The following GDAP1 variants were observed in gnomAD, a reference collection of about 807,000 sequenced individuals.
GDAP1 encodes ganglioside-induced differentiation-associated protein 1.
A neutral mutation model predicts 40.1 loss-of-function variants in GDAP1; 34 were observed. The ratio of observed to expected loss-of-function variants is 0.85; its 90% CI spans 0.64 to 1.13. The LOEUF is 1.13. Among genes scored for constraint, GDAP1 ranks in the 50% most tolerant of loss-of-function variants. The pLI is 0.00. For synonymous variants in GDAP1, 170 were observed against 157.4 expected (o/e 1.08, Z -0.60); for missense variants, 374 against 433.7 (o/e 0.86, Z 1.22).
chr8:74,417,996 A>C (rs932966122), intron 2 of GDAP1, among the ~76,000 whole-genome samples: 3 of 152,178 alleles, frequency 2.0e-5, no homozygotes, highest in Non-Finnish European at 2.9e-5. Flanking sequence ...ACTGGGATCT[A>C]TATATTGAAA....
intron 2 of GDAP1, among the ~76,000 whole-genome samples, chr8:74,470,010 G>C (rs905457655): frequency 6.6e-6 from 1 of 151,966 alleles, no homozygotes; most frequent in Non-Finnish European, 1.5e-5. Flanking sequence ...TAGAAAAATA[G>C]TATTCTGAAA....
chr8:74,477,368 C>T (rs1806643193), intron 2 of GDAP1, among the ~76,000 whole-genome samples: 1 of 152,104 alleles, frequency 6.6e-6, no homozygotes, highest in Non-Finnish European at 1.5e-5. Flanking sequence ...AGAAGGCACT[C>T]TGGTTTTTTG....
In GDAP1 at chr8:74,364,159, A is replaced by C. The variant is rs1489210112; in HGVS notation, c.869A>C (p.Asn290Thr). 6.2e-7 allele frequency: 1 copy of C among 1,614,012 alleles called. No individual in the cohort carries two copies. The highest frequency in any genetic ancestry group is 8.5e-7 in the Non-Finnish European group (1 of 1,179,870). Residue 290 changes from asparagine (N) to threonine (T), a missense_variant, in exon 6 of 6, where the codon AAC becomes ACC. Asn to Thr is a moderately conservative substitution (Grantham distance 65). Transcript: ENST00000220822. Reference protein sequence around the residue: ...YERVLKRKTFNKVLGHVNNIL... With the variant: ...YERVLKRKTFTKVLGHVNNIL... ...CGTGTCTTGAAGAGAAAAACATTTA[A>C]CAAGGTTTTAGGACATGTCAACAAT...
chr8:74,366,519 A>C lies in GDAP1; in HGVS notation c.*2152A>C. The C allele has an allele frequency of 2.2e-6, 1 of 454,338 alleles. No individual in the cohort carries two copies. The highest frequency in any genetic ancestry group is 4.4e-6 in the Non-Finnish European group (1 of 226,736). The allele number at this position is 454,338 out of a possible 1,614,324, so 28.1% of individuals were successfully genotyped here. A position where few individuals can be genotyped will look rare whatever the true frequency, so the allele number is the denominator to read the frequency against. On this transcript the variant is annotated 3_prime_UTR_variant, in exon 6 of 6. Transcript: ENST00000220822. Reference sequence around the variant, plus strand: ...GCTAGAGTTAAACACAGTATTAGCTAAATAGGCACTTATGTGTATTTTCTT... The same window carrying C: ...GCTAGAGTTAAACACAGTATTAGCTCAATAGGCACTTATGTGTATTTTCTT...
At chr8:74,405,047 A>ATT (rs1805619440) in intron 2 of GDAP1, among the ~76,000 whole-genome samples, 1 of 150,092 alleles carries the variant, frequency 6.7e-6, no homozygotes, top group Admixed American at 6.6e-5. Flanking sequence ...TATACCTAAG[A>ATT]CTGGATAATT....
intron 2 of GDAP1, among the ~76,000 whole-genome samples, chr8:74,401,906 C>G (rs1038932154): frequency 6.7e-6 from 1 of 150,008 alleles, no homozygotes; most frequent in Non-Finnish European, 1.5e-5. Flanking sequence ...TCTGATCGTT[C>G]CTCTGTAAGT....
At chr8:74,418,272 C>T (rs540727051) in intron 2 of GDAP1, among the ~76,000 whole-genome samples, 1 of 152,270 alleles carries the variant, frequency 6.6e-6, no homozygotes, top group South Asian at 2.1e-4. Context: ...AATTATGCTA[C>T]CCAGTTTTAA....
chr8:74,386,765 C>A (rs1445923269), intron 2 of GDAP1, among the ~76,000 whole-genome samples: 1 of 152,090 alleles, frequency 6.6e-6, no homozygotes, highest in East Asian at 1.9e-4. Context: ...AATCTATAAA[C>A]TCCTTTGGGC....
intron 2 of GDAP1, among the ~76,000 whole-genome samples, chr8:74,384,789 C>G (rs1051053955): frequency 2.0e-5 from 3 of 152,182 alleles, no homozygotes; most frequent in African/African-American, 7.2e-5. Context: ...TGTGTAGCTG[C>G]ACCGACTTAC....
At chr8:74,481,323 G>A (rs1236826690) in intron 2 of GDAP1, among the ~76,000 whole-genome samples, 1 of 152,172 alleles carries the variant, frequency 6.6e-6, no homozygotes, top group Non-Finnish European at 1.5e-5. Context: ...CTACCTTCTA[G>A]GATGGCACTT....
intron 2 of GDAP1, among the ~76,000 whole-genome samples, chr8:74,401,984 G>A (rs954252159): frequency 6.7e-6 from 1 of 150,240 alleles, no homozygotes; most frequent in African/African-American, 2.5e-5. Flanking sequence ...TCCCAGTTAG[G>A]CTGCTCAGGG....
intron 2 of GDAP1, among the ~76,000 whole-genome samples, chr8:74,428,628 G>A (rs867225284): frequency 3.1e-3 from 208 of 66,686 alleles, no homozygotes; most frequent in Middle Eastern, 0.016. Context: ...CACCACACCC[G>A]GCTAATTTTT....
intron 1 of GDAP1, among the ~76,000 whole-genome samples, chr8:74,350,866 A>G (rs1808828612): frequency 1.3e-5 from 2 of 152,138 alleles, no homozygotes; most frequent in South Asian, 4.1e-4. Flanking sequence ...TGGTCTTCGG[A>G]GAGAGGCAGA....
At chr8:74,350,796 T>C (rs1365076847) in intron 1 of GDAP1, among the ~76,000 whole-genome samples, 1 of 152,248 alleles carries the variant, frequency 6.6e-6, no homozygotes. Context: ...AGGCTCCGCC[T>C]CTCGCGAAAT....
intron 2 of GDAP1, among the ~76,000 whole-genome samples, chr8:74,351,887 T>C (rs1043550721): frequency 6.6e-6 from 1 of 152,332 alleles, no homozygotes; most frequent in East Asian, 1.9e-4. Context: ...AATAGAATGT[T>C]AGTATACCTG....
chr8:74,366,489 G>T lies in GDAP1; in HGVS notation c.*2122G>T. The T allele has an allele frequency of 2.2e-6, 1 of 454,446 alleles. No individual in the cohort carries two copies. Among genetic ancestry groups the T allele is most frequent in the Non-Finnish European group, 4.4e-6 (1 of 226,744 alleles). 28.2% of individuals were successfully genotyped at this position (454,446 alleles called of 1,614,324 possible). ...GAAAGGGATTACAGTATCACACAAT[G>T]TCAAGCTAGAGTTAAACACAGTATT... On this transcript the variant is annotated 3_prime_UTR_variant, in exon 6 of 6. Coordinates refer to ENST00000220822, the MANE Select transcript of GDAP1 (RefSeq NM_018972.4).
At chr8:74,475,474 T>C (rs1806617180) in intron 2 of GDAP1, among the ~76,000 whole-genome samples, 1 of 152,208 alleles carries the variant, frequency 6.6e-6, no homozygotes, top group Non-Finnish European at 1.5e-5. Flanking sequence ...GAGATTTTGG[T>C]ATATTGTATC....
At position 74,366,335 on chromosome 8, in the gene GDAP1, C is replaced by T. The variant is rs567166158; in HGVS notation, c.*1968C>T. 1.4e-4 allele frequency: 64 copies of T among 454,398 alleles called. No individual in the cohort carries two copies. Among genetic ancestry groups the T allele is most frequent in the South Asian group, 9.5e-4 (61 of 64,466 alleles). 28.1% of individuals were successfully genotyped at this position (454,398 alleles called of 1,614,324 possible). A position where few individuals can be genotyped will look rare whatever the true frequency, so the allele number is the denominator to read the frequency against. ...AAGATTGAGTGTTCTTTTTGTTCAG[C>T]AACTCTTCTAAAATGTTTCAAGCAA... On this transcript the variant is annotated 3_prime_UTR_variant, in exon 6 of 6. Coordinates refer to ENST00000220822, the MANE Select transcript of GDAP1 (RefSeq NM_018972.4).
At chr8:74,414,531 T>C (rs1230356095) in intron 2 of GDAP1, among the ~76,000 whole-genome samples, 1 of 149,872 alleles carries the variant, frequency 6.7e-6, no homozygotes, top group African/African-American at 2.5e-5. Context: ...GGTCATTGGC[T>C]GAGCTCCATA....
Sources: gnomAD v4.1 joint callset for allele counts (sites outside exome capture counted in the v4.1 genomes callset) on GRCh38, gnomAD v4.1.1 for gene constraint, MANE v1.5 for transcripts, NCBI Gene and HGNC (gene_info 2026-07-23, HGNC 2026-07-21) for gene names.